ERC1: variants seen among roughly 807,000 people sequenced by gnomAD.
The protein encoded by ERC1 is ELKS/RAB6-interacting/CAST family member 1.
A neutral mutation model predicts 132.0 loss-of-function variants in ERC1; 56 were observed. The ratio of observed to expected loss-of-function variants is 0.42; its 90% CI spans 0.34 to 0.53. The LOEUF (loss-of-function observed/expected upper bound fraction) is 0.53. ERC1 is among the 20% of genes least tolerant of loss of function. The probability of loss-of-function intolerance (pLI) is 0.03; values close to 1 mark genes in which losing one functional copy is unlikely to be tolerated. For synonymous variants in ERC1, 478 were observed against 476.1 expected, an observed-to-expected ratio of 1.00 and a Z score of -0.05; for missense variants, 1,202 against 1,349.9, an observed-to-expected ratio of 0.89 and a Z score of 1.72.
At chr12:1,485,709 C>T (rs186495818) in intron 18 of ERC1, among the ~76,000 whole-genome samples, 74 of 148,434 alleles carry the variant, frequency 5.0e-4, no homozygotes, top group African/African-American at 1.8e-3. Context: ...GTCATTTGTA[C>T]TTCAATTAAA....
chr12:1,418,522 C>T (rs2092234394), intron 17 of ERC1, among the ~76,000 whole-genome samples: 1 of 152,158 alleles, frequency 6.6e-6, no homozygotes, highest in Non-Finnish European at 1.5e-5. Flanking sequence ...ATGACTGTCT[C>T]CTCTTCATCA....
At chr12:1,076,098 G>A (rs567447336) in intron 2 of ERC1, among the ~76,000 whole-genome samples, 2 of 152,228 alleles carry the variant, frequency 1.3e-5, no homozygotes, top group East Asian at 1.9e-4. Context: ...CTTGAATATT[G>A]TTGTTAATTT....
Position 1,288,240 on chromosome 12 carries a change from A to G in ERC1, c.2620-1612A>G, listed in dbSNP as rs111428404. Reference sequence around the variant, plus strand: ...GTAAAGCTTGCAGATATGCAAATACATATCCCAGTATATTACATAGCAATA... The same window carrying G: ...GTAAAGCTTGCAGATATGCAAATACGTATCCCAGTATATTACATAGCAATA... On this transcript the variant is annotated intron_variant, in intron 14 of 18. Coordinates refer to ENST00000360905, the MANE Select transcript of ERC1 (RefSeq NM_178040.4). Among the ~76,000 whole-genome samples the G allele has an allele frequency of 5.9e-3, 893 of 152,358 alleles. 14 individuals carry two copies. The highest frequency in any genetic ancestry group is 0.02 in the African/African-American group (842 of 41,590).
chr12:1,423,646 G>A (rs1245342422), intron 17 of ERC1, among the ~76,000 whole-genome samples: 2 of 152,212 alleles, frequency 1.3e-5, no homozygotes, highest in Non-Finnish European at 2.9e-5. Flanking sequence ...TGTAGAGGGA[G>A]AGGTCTGTTA....
intron 12 of ERC1, among the ~76,000 whole-genome samples, chr12:1,236,317 ATACATC>A (rs2075409325): frequency 6.6e-6 from 1 of 152,190 alleles, no homozygotes; most frequent in Admixed American, 6.5e-5. Context: ...TTATTTTCAT[ATACATC>A]TACATTATAT....
intron 2 of ERC1, among the ~76,000 whole-genome samples, chr12:1,062,301 A>T (rs1938174048): frequency 6.6e-6 from 1 of 151,632 alleles, no homozygotes; most frequent in Non-Finnish European, 1.5e-5. Flanking sequence ...CTTTTTTTGA[A>T]AATGAAGACG....
intron 16 of ERC1, among the ~76,000 whole-genome samples, chr12:1,402,215 A>G (rs1349122670): frequency 1.3e-5 from 2 of 152,216 alleles, no homozygotes; most frequent in Admixed American, 6.5e-5. Context: ...GAAAATTTAT[A>G]CTCTTAACAC....
chr12:1,403,946 CCTTT>C (rs1324813889), intron 16 of ERC1, among the ~76,000 whole-genome samples: 1 of 152,162 alleles, frequency 6.6e-6, no homozygotes, highest in African/African-American at 2.4e-5. Flanking sequence ...ATGCCTCTTT[CCTTT>C]CTTCTATTTT....
At chr12:1,108,781 A>G (rs1416783604) in intron 4 of ERC1, among the ~76,000 whole-genome samples, 1 of 152,086 alleles carries the variant, frequency 6.6e-6, no homozygotes, top group Admixed American at 6.5e-5. Flanking sequence ...TGAATTTATA[A>G]AAGACAGTTT....
At chr12:1,117,820 G>A (rs1946612880) in intron 7 of ERC1, among the ~76,000 whole-genome samples, 1 of 152,130 alleles carries the variant, frequency 6.6e-6, no homozygotes, top group Non-Finnish European at 1.5e-5. Flanking sequence ...TAGATGATCT[G>A]CATTTTCTTA....
intron 17 of ERC1, among the ~76,000 whole-genome samples, chr12:1,420,036 C>T (rs181318826): frequency 2.6e-5 from 4 of 152,056 alleles, no homozygotes; most frequent in African/African-American, 9.6e-5. Context: ...GCTTGGGAAC[C>T]GGGCTTATTT....
chr12:1,214,665 T>TACACACACAC (rs59137347), intron 12 of ERC1, among the ~76,000 whole-genome samples: 19 of 119,086 alleles, frequency 1.6e-4, no homozygotes, highest in South Asian at 7.4e-4. Flanking sequence ...TGTGTATACA[T>TACACACACAC]ACACACACAC....
intron 2 of ERC1, among the ~76,000 whole-genome samples, chr12:1,043,893 G>T (rs1970677447): frequency 6.6e-6 from 1 of 152,160 alleles, no homozygotes; most frequent in Non-Finnish European, 1.5e-5. Context: ...TTTTGGTGTA[G>T]TTGTGCCCTG....
intron 16 of ERC1, chr12:1,380,887 A>G (rs1481590227): frequency 1.3e-5 from 2 of 152,260 alleles, no homozygotes; most frequent in African/African-American, 2.4e-5. Context: ...ATAAAGGGAA[A>G]ATTAAATAGC....
intron 17 of ERC1, among the ~76,000 whole-genome samples, chr12:1,437,213 C>T (rs1406779102): frequency 6.6e-6 from 1 of 152,084 alleles, no homozygotes; most frequent in Non-Finnish European, 1.5e-5. Flanking sequence ...GTTATCTCAT[C>T]GACTTTCAGC....
chr12:1,237,084 T>C (rs1353438451), intron 13 of ERC1, among the ~76,000 whole-genome samples, 180 bp downstream of exon 13: 1 of 152,226 alleles, frequency 6.6e-6, no homozygotes, highest in Non-Finnish European at 1.5e-5. Context: ...ATGCAAGTTT[T>C]ATTCCACAGC....
At chr12:1,386,288 C>T (rs762492708) in intron 16 of ERC1, among the ~76,000 whole-genome samples, 1 of 151,620 alleles carries the variant, frequency 6.6e-6, no homozygotes, top group Non-Finnish European at 1.5e-5. Flanking sequence ...CTGCCCACCT[C>T]AGCCTCCCAA....
intron 17 of ERC1, among the ~76,000 whole-genome samples, chr12:1,440,747 A>C (rs2093128050): frequency 6.6e-6 from 1 of 150,546 alleles, no homozygotes; most frequent in South Asian, 2.1e-4. Context: ...TCCCAGGTTC[A>C]AGCAATTCTT....
At chr12:1,173,377 C>T (rs994624687) in intron 8 of ERC1, among the ~76,000 whole-genome samples, 4 of 152,122 alleles carry the variant, frequency 2.6e-5, no homozygotes, top group African/African-American at 9.7e-5. Flanking sequence ...CTGTTAGAAT[C>T]GTCGTTCTTG....
Sources: allele counts gnomAD v4.1 joint callset (sites outside exome capture counted in the v4.1 genomes callset), GRCh38; gene constraint gnomAD v4.1.1; transcripts MANE v1.5; gene names NCBI Gene and HGNC (gene_info 2026-07-23, HGNC 2026-07-21).